Variants in PARD3 observed in about 807,000 individuals in gnomAD.
PARD3 encodes the protein partitioning defective 3 homolog.
In PARD3, 75 loss-of-function variants were observed where a neutral mutation model predicts 155.4. The ratio of observed to expected loss-of-function variants is 0.48; its 90% CI spans 0.40 to 0.58. The LOEUF (loss-of-function observed/expected upper bound fraction) is 0.58. Ranked by LOEUF, PARD3 falls within the 20% of genes least tolerant of loss-of-function variation. The pLI is 0.00. For missense variants in PARD3, 1,642 were observed against 1,721.7 expected (o/e 0.95, Z 0.82); for synonymous variants, 576 against 610.5 (o/e 0.94, Z 0.83).
chr10:34,123,087 T>C (rs7903640), intron 23 of PARD3, among the ~76,000 whole-genome samples: 38,603 of 152,074 alleles, frequency 0.25, 5,195 homozygotes, highest in Middle Eastern at 0.39. Context: ...GTTCTAACAG[T>C]GCAAATTACA....
At chr10:34,460,881 T>C (rs1489501122) in intron 4 of PARD3, among the ~76,000 whole-genome samples, 3 of 152,164 alleles carry the variant, frequency 2.0e-5, no homozygotes, top group African/African-American at 4.8e-5. Flanking sequence ...CAACAGTACC[T>C]ACACTTCTGG....
chr10:34,399,289 T>G, intron 7 of PARD3, 41 bp downstream of exon 7: 1 of 1,203,170 alleles, frequency 8.3e-7, no homozygotes, highest in Non-Finnish European at 1.2e-6. Flanking sequence ...GATAAAACAC[T>G]CTACATTATG....
At chr10:34,431,361 C>T (rs1481385149) in intron 5 of PARD3, among the ~76,000 whole-genome samples, 1 of 152,166 alleles carries the variant, frequency 6.6e-6, no homozygotes. Context: ...TAAAGGAAGG[C>T]ACAGCAGTCC....
At chr10:34,190,029 C>T (rs1274473) in intron 22 of PARD3, among the ~76,000 whole-genome samples, 66,162 of 152,010 alleles carry the variant, frequency 0.44, 15,440 homozygotes, top group Non-Finnish European at 0.53. Context: ...AGTGGTCTCA[C>T]ATTTTCCAAG....
intron 12 of PARD3, among the ~76,000 whole-genome samples, chr10:34,362,273 T>C (rs147478243): frequency 0.05 from 7,652 of 152,214 alleles, 229 homozygotes; most frequent in Admixed American, 0.084. Context: ...CACTCCAGCC[T>C]GGGCGACAGA....
chr10:34,556,093 A>T (rs145209560), intron 2 of PARD3, among the ~76,000 whole-genome samples: 1 of 152,230 alleles, frequency 6.6e-6, no homozygotes, highest in Non-Finnish European at 1.5e-5. Flanking sequence ...AAAGAAGAAT[A>T]AAGCAGAAGC....
intron 2 of PARD3, among the ~76,000 whole-genome samples, chr10:34,586,107 T>G (rs1220713924): frequency 6.6e-6 from 1 of 152,102 alleles, no homozygotes; most frequent in Non-Finnish European, 1.5e-5. Flanking sequence ...AAGTAACAAC[T>G]GCTACTTTAA....
intron 21 of PARD3, among the ~76,000 whole-genome samples, chr10:34,282,080 G>A (rs1956184977): frequency 3.1e-5 from 4 of 129,500 alleles, no homozygotes; most frequent in South Asian, 4.5e-4. Context: ...ACATATGGAA[G>A]AATGCTTGCC....
At chr10:34,553,346 T>C (rs1333208347) in intron 2 of PARD3, among the ~76,000 whole-genome samples, 1 of 152,198 alleles carries the variant, frequency 6.6e-6, no homozygotes, top group Non-Finnish European at 1.5e-5. Flanking sequence ...CAAAAATATG[T>C]CCTGGGTACT....
chr10:34,347,247 G>C (rs1281475150), intron 15 of PARD3, among the ~76,000 whole-genome samples: 2 of 152,150 alleles, frequency 1.3e-5, no homozygotes. Context: ...CAAGCTAATC[G>C]CAAGATGAGC....
At chr10:34,681,626 TATATATA>T (rs1220419551) in intron 2 of PARD3, among the ~76,000 whole-genome samples, 2 of 146,600 alleles carry the variant, frequency 1.4e-5, no homozygotes, top group East Asian at 1.9e-4. Context: ...TTTCCTTTAT[TATATATA>T]ATATATATCA....
intron 2 of PARD3, among the ~76,000 whole-genome samples, chr10:34,602,142 C>G (rs1227630417): frequency 6.6e-6 from 1 of 152,230 alleles, no homozygotes; most frequent in South Asian, 2.1e-4. Flanking sequence ...GAGATAAATT[C>G]TGAGAAAGTC....
intron 6 of PARD3, among the ~76,000 whole-genome samples, chr10:34,401,523 G>A (rs985647142): frequency 2.0e-5 from 3 of 151,958 alleles, no homozygotes; most frequent in African/African-American, 4.8e-5. Flanking sequence ...AAAGAGTTAC[G>A]GTGTTTACAG....
At chr10:34,124,860 T>C (rs1305134918) in intron 23 of PARD3, among the ~76,000 whole-genome samples, 1 of 152,148 alleles carries the variant, frequency 6.6e-6, no homozygotes, top group Admixed American at 6.5e-5. Context: ...CCAGGCACTT[T>C]AGTATCTGGG....
chr10:34,110,807 G>A lies in PARD3; in HGVS notation c.*362C>T, dbSNP rs1340459357. 2.9e-5 allele frequency: 5 copies of A among 169,780 alleles called. No homozygotes were observed. Among genetic ancestry groups the A allele is most frequent in the South Asian group, 2.0e-4 (1 of 5,080 alleles). 10.5% of individuals were successfully genotyped at this position (169,780 alleles called of 1,614,324 possible). On this transcript the variant is annotated 3_prime_UTR_variant, in exon 25 of 25. Transcript: ENST00000374788. ...CTTAGAGGGAGAAACAGGGCCGCAC[G>A]TCATCCTCCACTTCAGGTGAATTTG...
At chr10:34,287,857 G>A (rs1469731579) in intron 20 of PARD3, among the ~76,000 whole-genome samples, 1 of 152,070 alleles carries the variant, frequency 6.6e-6, no homozygotes, top group African/African-American at 2.4e-5. Context: ...CCTAATCACT[G>A]GAATAACTAT....
At chr10:34,536,245 C>T (rs536216381) in intron 2 of PARD3, among the ~76,000 whole-genome samples, 4 of 152,130 alleles carry the variant, frequency 2.6e-5, no homozygotes, top group Admixed American at 2.0e-4. Flanking sequence ...TACTCACTCC[C>T]TCAAATATGC....
At chr10:34,239,365 GC>G (rs1331014419) in intron 22 of PARD3, among the ~76,000 whole-genome samples, 1 of 152,230 alleles carries the variant, frequency 6.6e-6, no homozygotes, top group Non-Finnish European at 1.5e-5. Context: ...CAAAAGCGGA[GC>G]CTCCGCCTTG....
At chr10:34,438,006 T>C (rs1471058352) in intron 5 of PARD3, among the ~76,000 whole-genome samples, 1 of 152,200 alleles carries the variant, frequency 6.6e-6, no homozygotes, top group Non-Finnish European at 1.5e-5. Flanking sequence ...CATAAGTAGC[T>C]CATAGCAGCT....
Sources: allele counts gnomAD v4.1 joint callset (sites outside exome capture counted in the v4.1 genomes callset), GRCh38; gene constraint gnomAD v4.1.1; transcripts MANE v1.5; gene names NCBI Gene and HGNC (gene_info 2026-07-23, HGNC 2026-07-21).